The following DEUP1 variants were observed in gnomAD, a reference collection of about 807,000 sequenced individuals.
DEUP1 encodes deuterosome assembly protein 1.
Under a neutral mutation model 87.4 loss-of-function variants are expected in DEUP1, and 82 were observed. The observed-to-expected ratio is 0.94, with a 90% CI of 0.78 to 1.13. The LOEUF (loss-of-function observed/expected upper bound fraction) is 1.13. DEUP1 is among the 50% of genes most tolerant of loss of function. The probability of loss-of-function intolerance (pLI) is 0.00; values close to 1 mark genes in which losing one functional copy is unlikely to be tolerated. For synonymous variants in DEUP1, 214 were observed against 222.7 expected (o/e 0.96, Z 0.35); for missense variants, 663 against 681.5 (o/e 0.97, Z 0.30).
chr11:93,366,646 G>A (rs1294354988), intron 5 of DEUP1, among the ~76,000 whole-genome samples: 1 of 152,180 alleles, frequency 6.6e-6, no homozygotes, highest in Non-Finnish European at 1.5e-5. Flanking sequence ...AGGAAGCCAG[G>A]ATTGTCATAA....
chr11:93,393,539 C>T (rs1003758272), intron 9 of DEUP1, among the ~76,000 whole-genome samples: 10 of 152,126 alleles, frequency 6.6e-5, no homozygotes, highest in African/African-American at 9.7e-5. Context: ...TCTGATGACC[C>T]TTCCTCTGGG....
intron 7 of DEUP1, among the ~76,000 whole-genome samples, chr11:93,372,045 C>T (rs1945756548): frequency 6.6e-6 from 1 of 150,508 alleles, no homozygotes; most frequent in African/African-American, 2.4e-5. Flanking sequence ...TCTCCTGCCT[C>T]AGCCTCCCAA....
At chr11:93,434,131 C>G (rs1484719745) in intron 13 of DEUP1, among the ~76,000 whole-genome samples, 1 of 152,208 alleles carries the variant, frequency 6.6e-6, no homozygotes, top group South Asian at 2.1e-4. Flanking sequence ...TGTTGCACCA[C>G]TCAGAACCAC....
At chr11:93,402,942 G>A (rs1947165649) in intron 11 of DEUP1, among the ~76,000 whole-genome samples, 1 of 151,754 alleles carries the variant, frequency 6.6e-6, no homozygotes, top group Non-Finnish European at 1.5e-5. Context: ...ATTACCTATT[G>A]TTCAACACTA....
intron 11 of DEUP1, 53 bp from the exon 12 acceptor site, chr11:93,408,178 T>C: frequency 1.6e-6 from 2 of 1,242,200 alleles, no homozygotes; most frequent in Admixed American, 3.1e-5. Flanking sequence ...ACAGAAAATA[T>C]GCATTACTTA....
intron 2 of DEUP1, among the ~76,000 whole-genome samples, chr11:93,343,685 T>TA (rs1412327855): frequency 6.6e-6 from 1 of 152,248 alleles, no homozygotes; most frequent in Non-Finnish European, 1.5e-5. Flanking sequence ...TTTTAGAACA[T>TA]AAAAAAATGC....
At chr11:93,367,665 A>G (rs1945492645) in intron 5 of DEUP1, among the ~76,000 whole-genome samples, 1 of 152,128 alleles carries the variant, frequency 6.6e-6, no homozygotes. Context: ...TCTTCTTTCC[A>G]CAGAACCTGG....
chr11:93,384,200 C>A (rs1946429317), intron 7 of DEUP1, among the ~76,000 whole-genome samples: 1 of 152,150 alleles, frequency 6.6e-6, no homozygotes, highest in African/African-American at 2.4e-5. Flanking sequence ...CTAATTCTTT[C>A]ATTGCCATTG....
intron 4 of DEUP1, among the ~76,000 whole-genome samples, chr11:93,359,390 A>T (rs952957969): frequency 6.6e-6 from 1 of 152,194 alleles, no homozygotes; most frequent in African/African-American, 2.4e-5. Flanking sequence ...TATAATTTCA[A>T]GTACATAAAT....
chr11:93,347,330 C>T (rs990050005), intron 2 of DEUP1, among the ~76,000 whole-genome samples: 13 of 152,240 alleles, frequency 8.5e-5, no homozygotes, highest in Non-Finnish European at 1.6e-4. Flanking sequence ...TATTGACTTG[C>T]ATTTGTTGAA....
intron 13 of DEUP1, among the ~76,000 whole-genome samples, chr11:93,427,012 G>GAAA (rs1215051153): frequency 2.5e-4 from 3 of 11,850 alleles, no homozygotes; most frequent in Non-Finnish European, 2.7e-4. Context: ...AAAAAAAAAA[G>GAAA]AAAAAAAAAA....
At chr11:93,355,227 C>A (rs1944839937) in intron 2 of DEUP1, 144 bp from the exon 3 acceptor site, 1 of 719,148 alleles carries the variant, frequency 1.4e-6, no homozygotes, top group Non-Finnish European at 2.2e-6. Flanking sequence ...TAAAAATTAA[C>A]CTTCAGCTTT....
In DEUP1 at chr11:93,404,360, A is replaced by G. The variant is rs549971669; in HGVS notation, c.1327-3871A>G. 7.8e-4 allele frequency among the ~76,000 whole-genome samples: 119 copies of G among 152,216 alleles called. 1 individual carries two copies. The highest frequency in any genetic ancestry group is 2.8e-3 in the African/African-American group (118 of 41,568). On this transcript the variant is annotated intron_variant, in intron 11 of 13. Transcript: ENST00000298050. ...ATTATTAATTTTTCTTTTATTTAAG[A>G]AAGTTGTAATAAAATCAGATTTAAT...
intron 9 of DEUP1, among the ~76,000 whole-genome samples, chr11:93,392,731 T>C (rs1946802786): frequency 6.6e-6 from 1 of 151,694 alleles, no homozygotes; most frequent in Non-Finnish European, 1.5e-5. Context: ...AAAGGTGAAA[T>C]GAAAAAAAAA....
chr11:93,417,996 G>A (rs1947707724), intron 13 of DEUP1, among the ~76,000 whole-genome samples: 1 of 151,768 alleles, frequency 6.6e-6, no homozygotes, highest in Non-Finnish European at 1.5e-5. Flanking sequence ...AGCTGAAACT[G>A]GATCCCTTCC....
chr11:93,379,419 A>C (rs1946194700), intron 7 of DEUP1, among the ~76,000 whole-genome samples: 1 of 152,214 alleles, frequency 6.6e-6, no homozygotes, highest in Admixed American at 6.5e-5. Context: ...TGCTGCAAAC[A>C]GGGAAAGACT....
At chr11:93,344,976 A>T (rs974176266) in intron 2 of DEUP1, among the ~76,000 whole-genome samples, 4 of 151,686 alleles carry the variant, frequency 2.6e-5, no homozygotes, top group African/African-American at 9.7e-5. Context: ...CCTGGGACCC[A>T]TTAGTTATTT....
chr11:93,395,386 A>G (rs1212696274), intron 10 of DEUP1, among the ~76,000 whole-genome samples: 1 of 152,182 alleles, frequency 6.6e-6, no homozygotes, highest in Non-Finnish European at 1.5e-5. Flanking sequence ...CTTCACAAAT[A>G]ACATGACTAA....
chr11:93,372,830 T>A (rs1945810181), intron 7 of DEUP1, among the ~76,000 whole-genome samples: 1 of 152,130 alleles, frequency 6.6e-6, no homozygotes, highest in Admixed American at 6.5e-5. Context: ...ATTGATGGTG[T>A]TTTCTCTGGC....
Sources: gnomAD v4.1 joint callset for allele counts (sites outside exome capture counted in the v4.1 genomes callset) on GRCh38, gnomAD v4.1.1 for gene constraint, MANE v1.5 for transcripts, NCBI Gene and HGNC (gene_info 2026-07-23, HGNC 2026-07-21) for gene names.